The following POLH variants were observed in gnomAD, a reference collection of about 807,000 sequenced individuals.
The protein encoded by POLH is DNA polymerase eta transcript.
In POLH, 53 loss-of-function variants were observed where a neutral mutation model predicts 73.6. The observed-to-expected ratio is 0.72, with a 90% confidence interval of 0.58 to 0.91. The LOEUF (loss-of-function observed/expected upper bound fraction) is 0.91. Ranked by LOEUF, POLH falls within the 40% of genes least tolerant of loss-of-function variation. POLH has a pLI of 0.00. For synonymous variants in POLH, 292 were observed against 308.5 expected (o/e 0.95, Z 0.56); for missense variants, 768 against 865.4 (o/e 0.89, Z 1.41).
Position 43,610,630 on chromosome 6 carries a change from G to C in POLH, c.1151G>C (p.Cys384Ser), listed in dbSNP as rs1767793786. 1 of 1,613,766 alleles carries C rather than the reference G, an allele frequency of 6.2e-7. No individual in the cohort carries two copies. The highest frequency in any genetic ancestry group is 8.5e-7 in the Non-Finnish European group (1 of 1,179,862). Residue 384 changes from cysteine to serine, a missense_variant, in exon 10 of 11, where the codon TGC (cysteine) becomes TCC (serine). Cys to Ser is a moderately radical substitution (Grantham distance 112). Coordinates refer to ENST00000372236, the MANE Select transcript of POLH (RefSeq NM_006502.3). Reference protein sequence around the residue: ...GDKRLSSLRRCCALTRYDAHK... With the variant: ...GDKRLSSLRRSCALTRYDAHK... The stretch of plus-strand genomic sequence containing the variant: ...AAACGCCTCAGCAGCCTGCGCCGCT[G>C]CTGTGCCCTTACCCGCTATGATGCT...
intron 6 of POLH, 66 bp from the exon 7 acceptor site, chr6:43,603,826 T>C: frequency 1.3e-6 from 2 of 1,539,752 alleles, no homozygotes; most frequent in South Asian, 1.1e-5. Context: ...GTAGAATGTC[T>C]TACGTTTGCT....
In POLH at chr6:43,614,559, G is replaced by A. The variant is rs767194898; in HGVS notation, c.*2G>A. The A allele has an allele frequency of 3.1e-6, 5 of 1,611,450 alleles. No individual in the cohort carries two copies. In the East Asian group the frequency reaches 6.7e-5, roughly 22 times the overall value. On this transcript the variant is annotated 3_prime_UTR_variant, in exon 11 of 11. Transcript: ENST00000372236. ...TTTTTTAAGCCATTAACACATTAGT[G>A]CTGCCCTCAGGCTTGCCTGTAGGAT...
rs1420838659 is a variant in POLH at position 43,581,239 on chromosome 6, T to C, written c.-4-1077T>C. Reference sequence around the variant, plus strand: ...CGGGGTCTCGGCAGGGCAGAGGCGCTCCTCACATCCCAGATGGGGCGGCGG... The same window carrying C: ...CGGGGTCTCGGCAGGGCAGAGGCGCCCCTCACATCCCAGATGGGGCGGCGG... On this transcript the variant is annotated intron_variant, in intron 1 of 10. Coordinates refer to ENST00000372236, the MANE Select transcript of POLH (RefSeq NM_006502.3). Among the ~76,000 whole-genome samples the C allele has an allele frequency of 2.7e-5, 4 of 147,424 alleles. No individual in the cohort carries two copies. The East Asian group carries it at 8.3e-4, about 30-fold the overall frequency.
At chr6:43,576,624 T>C (rs1359648871) in intron 1 of POLH, among the ~76,000 whole-genome samples, 184 bp downstream of exon 1, 1 of 152,204 alleles carries the variant, frequency 6.6e-6, no homozygotes, top group African/African-American at 2.4e-5. Flanking sequence ...TGTTTTTCCC[T>C]GTAGTTGTTA....
Position 43,610,593 on chromosome 6 carries a change from G to C in POLH, c.1114G>C (p.Val372Leu), listed in dbSNP as rs1188570307. Reference sequence around the variant, plus strand: ...CACCCAGCTGGTTGTGAGCATTCGTGTACAAGGAGACAAACGCCTCAGCAG... The same window carrying C: ...CACCCAGCTGGTTGTGAGCATTCGTCTACAAGGAGACAAACGCCTCAGCAG... ...VATQLVVSIR[V>L]QGDKRLSSLR... Residue 372 changes from valine (V) to leucine (L), a missense_variant, in exon 10 of 11, where the codon GTA becomes CTA. Physicochemically the swap from Val to Leu is conservative, Grantham distance 32 (BLOSUM62 1). Transcript: ENST00000372236. 5.6e-6 allele frequency: 9 copies of C among 1,613,894 alleles called. No individual in the cohort carries two copies. Among genetic ancestry groups the C allele is most frequent in the South Asian group, 2.2e-5 (2 of 91,080 alleles).
intron 9 of POLH, among the ~76,000 whole-genome samples, chr6:43,608,702 C>T (rs1767561520): frequency 6.6e-6 from 1 of 152,144 alleles, no homozygotes; most frequent in Admixed American, 6.6e-5. Context: ...CCTTTTCTTC[C>T]CTCTTTGTAT....
chr6:43,597,494 C>T (rs1023788632), intron 4 of POLH, among the ~76,000 whole-genome samples: 16 of 152,196 alleles, frequency 1.1e-4, no homozygotes, highest in Admixed American at 3.9e-4. Context: ...CTATAAAATT[C>T]AGCCTATGCT....
intron 1 of POLH, among the ~76,000 whole-genome samples, chr6:43,579,289 GCTAC>G (rs1763748584): frequency 1.3e-5 from 2 of 152,198 alleles, no homozygotes; most frequent in African/African-American, 4.8e-5. Context: ...AGAAAGGAAT[GCTAC>G]CCAGAGAGGC....
intron 3 of POLH, among the ~76,000 whole-genome samples, chr6:43,586,663 G>C (rs982775666): frequency 1.1e-4 from 16 of 152,058 alleles, no homozygotes; most frequent in African/African-American, 3.9e-4. Flanking sequence ...TCTTCAACTT[G>C]ATCATTTGAA....
At chr6:43,577,515 G>T (rs942361753) in intron 1 of POLH, among the ~76,000 whole-genome samples, 2 of 152,122 alleles carry the variant, frequency 1.3e-5, no homozygotes, top group African/African-American at 2.4e-5. Flanking sequence ...TGTTTTAGGC[G>T]TGGTCGATTG....
chr6:43,581,665 TC>T (rs1462501883), intron 1 of POLH, among the ~76,000 whole-genome samples: 1 of 115,110 alleles, frequency 8.7e-6, no homozygotes, highest in African/African-American at 6.0e-5. Flanking sequence ...AACTCCATCC[TC>T]CCGGCGGTCG....
chr6:43,597,518 G>A lies in POLH; in HGVS notation c.491-178G>A, dbSNP rs9333543. Among the ~76,000 whole-genome samples the A allele has an allele frequency of 0.036, 5,539 of 152,212 alleles. 348 individuals carry two copies. Among genetic ancestry groups the A allele is most frequent in the African/African-American group, 0.13 (5,247 of 41,518 alleles). On this transcript the variant is annotated intron_variant, in intron 4 of 10. Transcript: ENST00000372236. ...TCAGCCTATGCTGAAGCTAAGCTGC[G>A]GGAACACTCTGAAGGAGAAATTGAG...
At chr6:43,602,473 A>G (rs1407367017) in intron 6 of POLH, among the ~76,000 whole-genome samples, 1 of 152,230 alleles carries the variant, frequency 6.6e-6, no homozygotes, top group Non-Finnish European at 1.5e-5. Flanking sequence ...CAAAATTTGG[A>G]GAGTCAGACA....
intron 1 of POLH, among the ~76,000 whole-genome samples, chr6:43,581,790 G>C (rs1168062492): frequency 6.7e-6 from 1 of 149,798 alleles, no homozygotes; most frequent in Non-Finnish European, 1.5e-5. Flanking sequence ...GGGCCGCAGC[G>C]CAGCCGCGCC....
At chr6:43,595,565 G>C (rs1462003741) in intron 4 of POLH, among the ~76,000 whole-genome samples, 1 of 152,102 alleles carries the variant, frequency 6.6e-6, no homozygotes. Context: ...GGCTAACATG[G>C]TGAAACCCCA....
intron 10 of POLH, among the ~76,000 whole-genome samples, chr6:43,612,069 C>CA (rs1294972267): frequency 6.6e-6 from 1 of 151,790 alleles, no homozygotes; most frequent in Admixed American, 6.6e-5. Flanking sequence ...ACAACAACAA[C>CA]AACAAATAAA....
At chr6:43,611,770 A>G (rs1015319773) in intron 10 of POLH, among the ~76,000 whole-genome samples, 3 of 151,932 alleles carry the variant, frequency 2.0e-5, no homozygotes, top group African/African-American at 7.3e-5. Context: ...GTCTTTGTTC[A>G]TAGGGCCGGG....
At position 43,614,107 on chromosome 6, in the gene POLH, A is replaced by G; in HGVS notation, c.1692A>G (p.Pro564=). ...CATGGTCCAACTGTAAAGCATTACC[A>G]AACTCTTTACCAACAGAGTATCCAG... ...QNPWSNCKAL[P]NSLPTEYPGC... The change falls in exon 11 of 11, where the codon CCA becomes CCG. Residue 564 remains proline, a synonymous_variant. Coordinates refer to ENST00000372236, the MANE Select transcript of POLH (RefSeq NM_006502.3). The G allele has an allele frequency of 6.2e-7, 1 of 1,614,172 alleles. No individual in the cohort carries two copies. The highest frequency in any genetic ancestry group is 8.5e-7 in the Non-Finnish European group (1 of 1,179,978).
In POLH at chr6:43,587,326, T is replaced by C. The variant is rs1764935955; in HGVS notation, c.327T>C (p.Ile109=). The change falls in exon 4 of 11, where the codon ATT becomes ATC. Residue 109 remains isoleucine, a synonymous_variant. Coordinates refer to ENST00000372236, the MANE Select transcript of POLH (RefSeq NM_006502.3). ...VMEIMSRFAV[I]ERASIDEAYV... is the part of the protein sequence containing the mutation. Reference sequence around the variant, plus strand: ...AGATAATGTCTCGTTTTGCTGTGATTGAACGTGCCAGCATTGATGAGGCTT... The same window carrying C: ...AGATAATGTCTCGTTTTGCTGTGATCGAACGTGCCAGCATTGATGAGGCTT... 1.9e-6 allele frequency: 3 copies of C among 1,614,068 alleles called. No homozygotes were observed. In the African/African-American group the frequency reaches 4.0e-5, roughly 22 times the overall value.
Sources: allele counts gnomAD v4.1 joint callset (sites outside exome capture counted in the v4.1 genomes callset), GRCh38; gene constraint gnomAD v4.1.1; transcripts MANE v1.5; gene names NCBI Gene and HGNC (gene_info 2026-07-23, HGNC 2026-07-21).